The following SLC15A5 variants were observed in gnomAD, a reference collection of about 807,000 sequenced individuals.
The protein encoded by SLC15A5 is solute carrier family 15 member 5.
A neutral mutation model predicts 56.1 loss-of-function variants in SLC15A5; 58 were observed. The observed-to-expected ratio is 1.03, with a 90% CI of 0.84 to 1.29. The LOEUF (loss-of-function observed/expected upper bound fraction) is 1.29. Among genes scored for constraint, SLC15A5 ranks in the 50% most tolerant of loss-of-function variants. The pLI, the probability that SLC15A5 is intolerant of heterozygous loss-of-function variation, is 0.00. For missense variants in SLC15A5, 681 were observed against 672.1 expected, an observed-to-expected ratio of 1.01 and a Z score of -0.15; for synonymous variants, 264 against 250.5, an observed-to-expected ratio of 1.05 and a Z score of -0.51.
intron 8 of SLC15A5, among the ~76,000 whole-genome samples, chr12:16,191,300 C>T (rs975793665): frequency 1.3e-5 from 2 of 152,036 alleles, no homozygotes; most frequent in Admixed American, 6.6e-5. Flanking sequence ...TTGTATCAGA[C>T]TAATATGAAC....
chr12:16,224,647 T>C, intron 5 of SLC15A5, 45 bp from the exon 6 acceptor site: 1 of 1,484,290 alleles, frequency 6.7e-7, no homozygotes, highest in Non-Finnish European at 9.0e-7. Context: ...AACGAAGAGC[T>C]AGAGATTCAT....
chr12:16,232,483 A>G (rs1354262291), intron 5 of SLC15A5, among the ~76,000 whole-genome samples: 3 of 152,208 alleles, frequency 2.0e-5, no homozygotes, highest in Admixed American at 1.3e-4. Context: ...GAAAGAGCCC[A>G]CCTGGGTCAA....
At chr12:16,218,003 A>G (rs1051370266) in intron 6 of SLC15A5, among the ~76,000 whole-genome samples, 1 of 152,200 alleles carries the variant, frequency 6.6e-6, no homozygotes, top group African/African-American at 2.4e-5. Flanking sequence ...TATAAACATA[A>G]TATTTTAAAA....
At chr12:16,241,062 C>T (rs1029719168) in intron 4 of SLC15A5, among the ~76,000 whole-genome samples, 1 of 152,152 alleles carries the variant, frequency 6.6e-6, no homozygotes, top group Non-Finnish European at 1.5e-5. Flanking sequence ...ATCTGCCTGC[C>T]TCAGCCTCTC....
chr12:16,256,314 A>G (rs11056843), intron 3 of SLC15A5, among the ~76,000 whole-genome samples: 64,076 of 152,000 alleles, frequency 0.42, 13,702 homozygotes, highest in South Asian at 0.64. Flanking sequence ...GCAATCCTCA[A>G]TAAAATATTG....
Position 16,272,579 on chromosome 12 carries a change from G to C in SLC15A5, c.566C>G (p.Thr189Arg), listed in dbSNP as rs559517803. The C allele has an allele frequency of 6.5e-7, 1 of 1,536,788 alleles. No individual in the cohort carries two copies. The highest frequency in any genetic ancestry group is 8.7e-7 in the Non-Finnish European group (1 of 1,146,590). Residue 189 changes from threonine to arginine, a missense_variant, in exon 2 of 9, where the codon ACG (threonine) becomes AGG (arginine). By Grantham distance (71) the Thr-to-Arg change is moderately conservative. Transcript: ENST00000344941. ...TACTTACCAGTTAAAAAAAGACATC[G>C]TTTTTTGTGATCCATACTCCTGAAG... The part of the protein sequence containing the change: ...FGLQEYGSQK[T>R]MSFFNWFYWL...
chr12:16,209,902 TA>T (rs1239692934), intron 7 of SLC15A5, among the ~76,000 whole-genome samples: 1 of 152,098 alleles, frequency 6.6e-6, no homozygotes, highest in Non-Finnish European at 1.5e-5. Flanking sequence ...ACTGGATCCA[TA>T]ATGATCTTCC....
chr12:16,216,065 G>T (rs903650062), intron 7 of SLC15A5, among the ~76,000 whole-genome samples: 5 of 128,306 alleles, frequency 3.9e-5, no homozygotes. Context: ...TGTTACAAGA[G>T]AATAGAAACT....
In SLC15A5 at chr12:16,235,180, T is replaced by A. The variant is rs1412599509; in HGVS notation, c.1162+4501A>T. Among the ~76,000 whole-genome samples, 1 of 151,482 alleles carries A rather than the reference T, an allele frequency of 6.6e-6. No homozygotes were observed. Among genetic ancestry groups the A allele is most frequent in the Non-Finnish European group, 1.5e-5 (1 of 67,856 alleles). Reference sequence around the variant, plus strand: ...TTAGGGTGGCATATGTTTTTTATTTTTATTGTTTTCCCCTATTTGTGGCAT... The same window carrying A: ...TTAGGGTGGCATATGTTTTTTATTTATATTGTTTTCCCCTATTTGTGGCAT... On this transcript the variant is annotated intron_variant, in intron 5 of 8. Transcript: ENST00000344941. The surrounding 1 kb of genome is among the most constrained non-coding windows in gnomAD (Gnocchi z 4.1).
intron 3 of SLC15A5, among the ~76,000 whole-genome samples, 178 bp downstream of exon 3, chr12:16,257,523 A>C (rs1864588855): frequency 3.3e-5 from 5 of 152,230 alleles, no homozygotes; most frequent in Admixed American, 3.3e-4. Context: ...ATTGCAAAGA[A>C]GCAGTCTTAA....
rs757104519 is a variant in SLC15A5 at position 16,268,097 on chromosome 12, G to A, written c.584+4464C>T. ...CTTTCAAGCTTAAAAGAGAACATGC[G>A]CCCGGCTCTGTGGCTCATGCCTGTA... On this transcript the variant is annotated intron_variant, in intron 2 of 8. Transcript: ENST00000344941. Among the ~76,000 whole-genome samples, 107 of 114,448 alleles carry A rather than the reference G, an allele frequency of 9.3e-4. 26 individuals are homozygous for A. Among genetic ancestry groups the A allele is most frequent in the African/African-American group, 2.1e-3 (62 of 29,268 alleles). 75.1% of individuals were successfully genotyped at this position (114,448 alleles called of 152,430 possible). A position where few individuals can be genotyped will look rare whatever the true frequency, so the allele number is the denominator to read the frequency against.
chr12:16,212,926 A>C (rs1279953686), intron 7 of SLC15A5, among the ~76,000 whole-genome samples: 1 of 152,200 alleles, frequency 6.6e-6, no homozygotes, highest in Non-Finnish European at 1.5e-5. Context: ...AGTAGAACTG[A>C]GCTGAAAGCA....
At chr12:16,194,747 C>T (rs1304730008) in intron 7 of SLC15A5, among the ~76,000 whole-genome samples, 1 of 151,998 alleles carries the variant, frequency 6.6e-6, no homozygotes, top group South Asian at 2.1e-4. Flanking sequence ...CATTAACTTG[C>T]AGGAGCCATG....
At chr12:16,212,782 G>A (rs1864095948) in intron 7 of SLC15A5, among the ~76,000 whole-genome samples, 1 of 151,958 alleles carries the variant, frequency 6.6e-6, no homozygotes, top group African/African-American at 2.4e-5. Flanking sequence ...AGCAAGTAAA[G>A]AAGTAAAGAT....
chr12:16,230,411 C>G (rs1299808215), intron 5 of SLC15A5, among the ~76,000 whole-genome samples: 1 of 151,652 alleles, frequency 6.6e-6, no homozygotes, highest in African/African-American at 2.4e-5. Context: ...TTACTGAGCT[C>G]TTTTTTTTGT....
At chr12:16,258,891 A>C (rs1864607206) in intron 2 of SLC15A5, among the ~76,000 whole-genome samples, 1 of 151,858 alleles carries the variant, frequency 6.6e-6, no homozygotes, top group Admixed American at 6.6e-5. Context: ...TATTGGTTAG[A>C]ATTGGGTTAC....
rs376837074 is a variant in SLC15A5, at chr12:16,257,686, G to A, written c.754+15C>T. 118 of 1,431,388 alleles carry A rather than the reference G, an allele frequency of 8.2e-5. No homozygotes were observed. In the African/African-American group the frequency reaches 1.6e-3, roughly 19 times the overall value. 88.7% of individuals were successfully genotyped at this position (1,431,388 alleles called of 1,614,324 possible). The stretch of plus-strand genomic sequence containing the variant: ...ATATAAACCCAGAAATCAATGTAAC[G>A]CATAATTTACTTACGTTTTTCTGAC... On this transcript the variant is annotated intron_variant, in intron 3 of 8. Transcript: ENST00000344941.
intron 8 of SLC15A5, among the ~76,000 whole-genome samples, chr12:16,192,174 A>G (rs1863843938): frequency 6.6e-6 from 1 of 152,074 alleles, no homozygotes; most frequent in Non-Finnish European, 1.5e-5. Flanking sequence ...GTGGGGAGTA[A>G]GTGCAGTTGT....
At chr12:16,227,606 C>G (rs1052568404) in intron 5 of SLC15A5, among the ~76,000 whole-genome samples, 2 of 152,236 alleles carry the variant, frequency 1.3e-5, no homozygotes, top group African/African-American at 4.8e-5. Context: ...AAGCATCAGA[C>G]AGATTTTCAG....
Sources: gnomAD v4.1 joint callset for allele counts (sites outside exome capture counted in the v4.1 genomes callset) on GRCh38, gnomAD v4.1.1 for gene constraint, Gnocchi (gnomAD v3.1) non-coding constraint, MANE v1.5 for transcripts, NCBI Gene and HGNC (gene_info 2026-07-23, HGNC 2026-07-21) for gene names.